The following TMCC1 variants were observed in gnomAD, a reference collection of about 807,000 sequenced individuals.
The protein encoded by TMCC1 is transmembrane and coiled-coil domains protein 1.
In TMCC1, 15 loss-of-function variants were observed where a neutral mutation model predicts 52.4. That is an observed-to-expected ratio of 0.29 (90% confidence interval 0.19 to 0.44). The LOEUF is 0.44. TMCC1 is among the 20% of genes least tolerant of loss of function. TMCC1 has a pLI of 1.00. For synonymous variants in TMCC1, 279 were observed against 301.9 expected (o/e 0.92, Z 0.79); for missense variants, 503 against 806.0 (o/e 0.62, Z 4.55).
At position 129,670,649 on chromosome 3, in the gene TMCC1, C is replaced by G. The variant is rs754990199; in HGVS notation, c.1192G>C (p.Val398Leu). Residue 398 changes from valine (V) to leucine (L), a missense_variant, in exon 5 of 7, where the codon GTG becomes CTG. Around this residue, in one of 7 missense-constraint regions of TMCC1, gnomAD observed 38 missense variants for 29.8 expected, o/e 1.28. Transcript: ENST00000393238. ...NLKDSLEEGQ[V>L]DDAGKALGVI... ...CCCAAAGCCTTCCCCGCATCATCCA[C>G]TTGCCCTTCCTCTAAAGAGTCCTTC... 6.2e-7 allele frequency: 1 copy of G among 1,614,254 alleles called. No individual in the cohort carries two copies. The highest frequency in any genetic ancestry group is 2.2e-5 in the East Asian group (1 of 44,884).
rs1181109192 is a variant in TMCC1, at chr3:129,713,726, G to GA, written c.577-42463dup. On this transcript the variant is annotated intron_variant, in intron 4 of 6. Transcript: ENST00000393238. Reference sequence around the variant, plus strand: ...ACCCCCATCTCAAAAAAAAAAAAAAGAAAAAAAAAAGGAAAAGAAAATGGA... The same window carrying GA: ...ACCCCCATCTCAAAAAAAAAAAAAAGAAAAAAAAAAAGGAAAAGAAAATGGA... 7.2e-3 allele frequency among the ~76,000 whole-genome samples: 943 copies of GA among 131,500 alleles called. 6 individuals are homozygous for GA. The highest frequency in any genetic ancestry group is 0.012 in the Admixed American group (151 of 13,106). The allele number at this position is 131,500 out of a possible 152,430, so 86.3% of individuals were successfully genotyped here. A position where few individuals can be genotyped will look rare whatever the true frequency, so the allele number is the denominator to read the frequency against.
At chr3:129,810,560 C>T (rs769884456) in intron 4 of TMCC1, among the ~76,000 whole-genome samples, 1 of 152,152 alleles carries the variant, frequency 6.6e-6, no homozygotes, top group Non-Finnish European at 1.5e-5. Flanking sequence ...TAAGCAAGTT[C>T]ACCCTATATC....
intron 4 of TMCC1, among the ~76,000 whole-genome samples, chr3:129,775,816 T>C (rs1054453406): frequency 2.0e-5 from 3 of 152,206 alleles, no homozygotes; most frequent in African/African-American, 7.2e-5. Flanking sequence ...TCTCCCTCCA[T>C]GTGCTCCATA....
intron 5 of TMCC1, among the ~76,000 whole-genome samples, chr3:129,659,346 C>A (rs534132755): frequency 4.1e-4 from 63 of 152,076 alleles, no homozygotes; most frequent in Non-Finnish European, 7.2e-4. Flanking sequence ...CCTCCTGCCT[C>A]AGCTTCCCAA....
At chr3:129,760,429 TG>T (rs1560352556) in intron 4 of TMCC1, among the ~76,000 whole-genome samples, 13 of 149,030 alleles carry the variant, frequency 8.7e-5, no homozygotes, top group Admixed American at 2.1e-4. Context: ...TGTGTGTGTG[TG>T]TGTGTTTTTG....
intron 4 of TMCC1, among the ~76,000 whole-genome samples, chr3:129,681,998 CT>C (rs1349855884): frequency 2.6e-5 from 4 of 151,754 alleles, no homozygotes; most frequent in Admixed American, 6.6e-5. Context: ...AGTGTTCCTA[CT>C]TTTAGAGGTT....
intron 4 of TMCC1, among the ~76,000 whole-genome samples, chr3:129,792,074 A>G (rs2056505662): frequency 6.6e-6 from 1 of 151,988 alleles, no homozygotes; most frequent in East Asian, 1.9e-4. Flanking sequence ...AATTGTTTTT[A>G]AAACTCAGAT....
chr3:129,858,710 C>A (rs1354212568), intron 2 of TMCC1, among the ~76,000 whole-genome samples: 1 of 151,704 alleles, frequency 6.6e-6, no homozygotes, highest in African/African-American at 2.4e-5. Flanking sequence ...TACTCAGGAT[C>A]AAAAAAAATT....
chr3:129,689,340 T>G (rs2089635073), intron 4 of TMCC1, among the ~76,000 whole-genome samples: 1 of 152,208 alleles, frequency 6.6e-6, no homozygotes, highest in Non-Finnish European at 1.5e-5. Flanking sequence ...AAAAGTCACT[T>G]TGGGATTTAG....
rs1576383836 is a variant in TMCC1, at chr3:129,670,794, A to G, written c.1047T>C (p.Gly349=). ...TGGCCTGGGAGAAGCTGGAAAACCC[A>G]CCTTTGACACTATCCACCACACCTT... ...FSEGVVDSVK[G]GFSSFSQATH... The change falls in exon 5 of 7, where the codon GGT becomes GGC. Residue 349 remains glycine, a synonymous_variant. Coordinates refer to ENST00000393238, the MANE Select transcript of TMCC1 (RefSeq NM_001017395.5). 1.2e-6 allele frequency: 2 copies of G among 1,613,952 alleles called. No individual in the cohort carries two copies. Among genetic ancestry groups the G allele is most frequent in the Non-Finnish European group, 1.7e-6 (2 of 1,179,974 alleles).
intron 4 of TMCC1, among the ~76,000 whole-genome samples, chr3:129,712,543 G>A (rs754465679): frequency 1.3e-5 from 2 of 152,124 alleles, no homozygotes; most frequent in African/African-American, 4.8e-5. Flanking sequence ...GACCCTCTGG[G>A]CTCAAGCAAT....
At chr3:129,821,167 C>A (rs1053951213) in intron 4 of TMCC1, among the ~76,000 whole-genome samples, 1 of 152,200 alleles carries the variant, frequency 6.6e-6, no homozygotes, top group Non-Finnish European at 1.5e-5. Context: ...ACACTCCCCA[C>A]ACTAAGTACA....
chr3:129,796,480 A>G (rs748644884), intron 4 of TMCC1, among the ~76,000 whole-genome samples: 9 of 152,004 alleles, frequency 5.9e-5, no homozygotes, highest in Non-Finnish European at 1.3e-4. Context: ...AGGGAAGACT[A>G]CTGTAGTATC....
chr3:129,863,847 G>GTGATTCTAAAGATGA (rs2060506592), intron 2 of TMCC1, among the ~76,000 whole-genome samples: 1 of 151,886 alleles, frequency 6.6e-6, no homozygotes, highest in East Asian at 1.9e-4. Context: ...GGGTGACAGA[G>GTGATTCTAAAGATGA]CGAGACTCTT....
intron 4 of TMCC1, among the ~76,000 whole-genome samples, chr3:129,726,962 T>C (rs2050157635): frequency 6.7e-6 from 1 of 148,556 alleles, no homozygotes. Flanking sequence ...GAAAGGAGAA[T>C]TGAATGATGT....
intron 4 of TMCC1, among the ~76,000 whole-genome samples, chr3:129,701,996 A>G (rs929798974): frequency 3.3e-5 from 5 of 152,304 alleles, no homozygotes; most frequent in Non-Finnish European, 7.3e-5. Flanking sequence ...TAAAAATAAA[A>G]TGGTATAATA....
chr3:129,703,146 C>A (rs1403061397), intron 4 of TMCC1, among the ~76,000 whole-genome samples: 1 of 152,212 alleles, frequency 6.6e-6, no homozygotes, highest in African/African-American at 2.4e-5. Context: ...AGGCTTCATT[C>A]TTTGTTACTT....
chr3:129,705,608 T>C (rs2048162880), intron 4 of TMCC1, among the ~76,000 whole-genome samples: 1 of 134,330 alleles, frequency 7.4e-6, no homozygotes, highest in African/African-American at 2.5e-5. Flanking sequence ...TGAAACACTT[T>C]TTTTTTTTTT....
At chr3:129,835,252 C>A (rs2059104033) in intron 2 of TMCC1, among the ~76,000 whole-genome samples, 1 of 151,996 alleles carries the variant, frequency 6.6e-6, no homozygotes, top group African/African-American at 2.4e-5. Flanking sequence ...CTATTCATGG[C>A]TGTGTTTTCA....
Sources: gnomAD v4.1 joint callset for allele counts (sites outside exome capture counted in the v4.1 genomes callset) on GRCh38, gnomAD v4.1.1 for gene constraint, gnomAD v4.1.1 regional missense constraint, MANE v1.5 for transcripts, NCBI Gene and HGNC (gene_info 2026-07-23, HGNC 2026-07-21) for gene names.